Variants in DNAH14 observed in about 807,000 individuals in gnomAD.
The protein encoded by DNAH14 is axonemal beta dynein heavy chain 14.
A neutral mutation model predicts 520.9 loss-of-function variants in DNAH14; 478 were observed. The observed-to-expected ratio is 0.92, with a 90% CI of 0.85 to 0.99. The LOEUF (loss-of-function observed/expected upper bound fraction) is 0.99, where lower values mean the gene tolerates loss of function less well. Ranked by LOEUF, DNAH14 falls within the 50% of genes least tolerant of loss-of-function variation. The pLI is 0.00. For synonymous variants in DNAH14, 1,581 were observed against 1,757.2 expected, an observed-to-expected ratio of 0.90 and a Z score of 2.51; for missense variants, 4,831 against 5,234.5, an observed-to-expected ratio of 0.92 and a Z score of 2.38.
chr1:225,335,307 AC>A (rs2094923587), intron 66 of DNAH14, among the ~76,000 whole-genome samples: 1 of 136,058 alleles, frequency 7.3e-6, no homozygotes, highest in Non-Finnish European at 1.6e-5. Flanking sequence ...ACATGTGTAC[AC>A]GTGTGTATAT....
At chr1:225,059,585 A>G (rs1455303976) in intron 17 of DNAH14, among the ~76,000 whole-genome samples, 1 of 152,176 alleles carries the variant, frequency 6.6e-6, no homozygotes, top group African/African-American at 2.4e-5. Context: ...TTAGCTGGTT[A>G]TTTTGCTCTT....
Position 225,050,211 on chromosome 1 carries a change from C to T in DNAH14, c.1914C>T (p.Thr638=), listed in dbSNP as rs1413973451. The T allele has an allele frequency of 2.0e-6, 3 of 1,526,298 alleles. No homozygotes were observed. Among genetic ancestry groups the T allele is most frequent in the Non-Finnish European group, 2.6e-6 (3 of 1,140,440 alleles). 94.5% of individuals were successfully genotyped at this position (1,526,298 alleles called of 1,614,324 possible). A position where few individuals can be genotyped will look rare whatever the true frequency, so the allele number is the denominator to read the frequency against. The change falls in exon 16 of 86, where the codon ACC becomes ACT. Residue 638 remains threonine (T), a splice_region_variant and synonymous_variant. Transcript: ENST00000682510. ...NMLTNMEKCI[T]TITPLCQDPQ... ...TGACTTTTAAATTATATATTTTAGC[C>T]ACAATTACTCCTCTTTGCCAAGATC...
rs2092801598 is a variant in DNAH14 at position 225,257,975 on chromosome 1, C to T, written c.6881C>T (p.Thr2294Ile). Residue 2294 changes from threonine to isoleucine, a missense_variant, in exon 45 of 86, where the codon ACT becomes ATT. Transcript: ENST00000682510. ...TLIQRGTSLL[T>I]NLQRSGGNFL... ...GTTAACTTAGGAACTTCATTACTAA[C>T]TAATCTTCAAAGATCTGGCGGAAAC... The T allele has an allele frequency of 1.3e-6, 2 of 1,546,972 alleles. No homozygotes were observed. The highest frequency in any genetic ancestry group is 1.7e-6 in the Non-Finnish European group (2 of 1,145,134).
chr1:225,350,950 A>G lies in DNAH14; in HGVS notation c.11297-697A>G, dbSNP rs190296885. 1.5e-3 allele frequency among the ~76,000 whole-genome samples: 232 copies of G among 152,320 alleles called. No individual in the cohort carries two copies. In the Middle Eastern group the frequency reaches 0.024, roughly 16 times the overall value. On this transcript the variant is annotated intron_variant, in intron 71 of 85. Coordinates refer to ENST00000682510, the MANE Select transcript of DNAH14 (RefSeq NM_001367479.1). The stretch of plus-strand genomic sequence containing the variant: ...GATACTACAAGTAAACTACAGACCA[A>G]TATTTCTGAATAACATTGATGCAAA...
intron 84 of DNAH14, 107 bp downstream of exon 84, chr1:225,392,558 C>CTGTCT: frequency 5.1e-6 from 7 of 1,365,388 alleles, no homozygotes; most frequent in Non-Finnish European, 6.9e-6. Flanking sequence ...TACCACATGC[C>CTGTCT]AGGCACTAGA....
intron 68 of DNAH14, 22 bp from the exon 69 acceptor site, chr1:225,340,435 C>G (rs1208642171): frequency 2.6e-6 from 4 of 1,510,136 alleles, no homozygotes; most frequent in Non-Finnish European, 3.6e-6. Context: ...CTTTGAATAA[C>G]TGGTGCCTTT....
intron 1 of DNAH14, among the ~76,000 whole-genome samples, chr1:224,943,386 T>C (rs1192376848): frequency 6.8e-6 from 1 of 147,254 alleles, no homozygotes; most frequent in Non-Finnish European, 1.5e-5. Context: ...CCTCTCTCTT[T>C]TCTTCTTTAT....
intron 42 of DNAH14, among the ~76,000 whole-genome samples, chr1:225,235,895 C>T (rs1263195378): frequency 6.6e-6 from 1 of 152,096 alleles, no homozygotes; most frequent in Non-Finnish European, 1.5e-5. Context: ...TTCCCCTTAT[C>T]ATTTCTGATT....
intron 17 of DNAH14, among the ~76,000 whole-genome samples, chr1:225,074,988 C>G (rs1258001406): frequency 2.6e-5 from 4 of 152,200 alleles, no homozygotes; most frequent in Non-Finnish European, 4.4e-5. Flanking sequence ...GTCTAACCTC[C>G]CACTTTGCCA....
intron 46 of DNAH14, among the ~76,000 whole-genome samples, chr1:225,263,381 G>A (rs1256267175): frequency 6.6e-6 from 1 of 151,618 alleles, no homozygotes; most frequent in Non-Finnish European, 1.5e-5. Context: ...ACGGGACGCA[G>A]TTATTCAAGC....
At chr1:225,293,561 A>G (rs193207390) in intron 55 of DNAH14, among the ~76,000 whole-genome samples, 1 of 152,310 alleles carries the variant, frequency 6.6e-6, no homozygotes, top group Non-Finnish European at 1.5e-5. Context: ...AAACTAACAC[A>G]GGAACAGAAA....
At position 225,175,788 on chromosome 1, in the gene DNAH14, CTTAG is replaced by C. The variant is rs1020019721; in HGVS notation, c.5535+7766_5535+7769del. On this transcript the variant is annotated intron_variant, in intron 36 of 85. Coordinates refer to ENST00000682510, the MANE Select transcript of DNAH14 (RefSeq NM_001367479.1). ...GTGCGATCTCAGCTCACTGCTGAGA[CTTAG>C]TTAGTAAGTCTCACAGGACCTGATG... Among the ~76,000 whole-genome samples, 9 of 146,202 alleles carry C rather than the reference CTTAG, an allele frequency of 6.2e-5. No homozygotes were observed. The South Asian group carries it at 8.8e-4, about 14-fold the overall frequency.
intron 27 of DNAH14, among the ~76,000 whole-genome samples, chr1:225,135,112 C>T (rs945478966): frequency 1.3e-4 from 20 of 151,678 alleles, no homozygotes; most frequent in African/African-American, 4.6e-4. Context: ...TTTAACAGCT[C>T]CTGGATTTGC....
chr1:224,930,272 T>C (rs2058597461), intron 1 of DNAH14, among the ~76,000 whole-genome samples: 1 of 152,208 alleles, frequency 6.6e-6, no homozygotes, highest in Non-Finnish European at 1.5e-5. Context: ...TGATTTTGTA[T>C]GTAGAGATAT....
chr1:225,273,834 A>G (rs555014625), intron 52 of DNAH14, among the ~76,000 whole-genome samples: 64 of 152,346 alleles, frequency 4.2e-4, no homozygotes, highest in African/African-American at 1.5e-3. Flanking sequence ...TGAATGGAGC[A>G]GTGATCTAGG....
At chr1:225,280,664 C>T (rs1480058238) in intron 54 of DNAH14, among the ~76,000 whole-genome samples, 1 of 151,028 alleles carries the variant, frequency 6.6e-6, no homozygotes, top group African/African-American at 2.4e-5. Context: ...AGAGTAAGCA[C>T]AAGTAGATTA....
chr1:225,104,674 G>A (rs1475116829), intron 23 of DNAH14, among the ~76,000 whole-genome samples: 1 of 152,182 alleles, frequency 6.6e-6, no homozygotes, highest in East Asian at 1.9e-4. Context: ...TATTTGCATA[G>A]AGGTGTTGAT....
chr1:225,026,159 T>G (rs182835486), intron 11 of DNAH14, among the ~76,000 whole-genome samples: 213 of 152,160 alleles, frequency 1.4e-3, no homozygotes, highest in African/African-American at 4.7e-3. Context: ...TGCTGAGTTC[T>G]AAGAGTTCTT....
chr1:225,134,122 T>G (rs2078735773), intron 27 of DNAH14, among the ~76,000 whole-genome samples: 1 of 152,184 alleles, frequency 6.6e-6, no homozygotes, highest in African/African-American at 2.4e-5. Context: ...AAGAAGCTTT[T>G]GGGCTAAGAT....
Sources: gnomAD v4.1 joint callset for allele counts (sites outside exome capture counted in the v4.1 genomes callset) on GRCh38, gnomAD v4.1.1 for gene constraint, MANE v1.5 for transcripts, NCBI Gene and HGNC (gene_info 2026-07-23, HGNC 2026-07-21) for gene names.